Variants in CFAP65 observed in about 807,000 individuals in gnomAD.
The protein encoded by CFAP65 is cilia- and flagella-associated protein 65.
Under a neutral mutation model 208.0 loss-of-function variants are expected in CFAP65, and 155 were observed. That is an observed-to-expected ratio of 0.75 (90% CI 0.65 to 0.85). The LOEUF (loss-of-function observed/expected upper bound fraction) is 0.85, where lower values mean the gene tolerates loss of function less well. Among genes scored for constraint, CFAP65 ranks in the 40% least tolerant of loss-of-function variants. The probability of loss-of-function intolerance (pLI) is 0.00; values close to 1 mark genes in which losing one functional copy is unlikely to be tolerated. For missense variants in CFAP65, 2,294 were observed against 2,451.3 expected (o/e 0.94, Z 1.36); for synonymous variants, 970 against 986.3 (o/e 0.98, Z 0.31).
intron 30 of CFAP65, 66 bp from the exon 31 acceptor site, chr2:219,006,289 C>T (rs1559114515): frequency 2.0e-6 from 3 of 1,534,888 alleles, no homozygotes; most frequent in Non-Finnish European, 2.7e-6. Context: ...CAATGGGGTC[C>T]CTTGACCTAG....
At position 219,029,411 on chromosome 2, in the gene CFAP65, G is replaced by C. The variant is rs1413744564; in HGVS notation, c.1642C>G (p.His548Asp). Residue 548 changes from histidine (H) to aspartate (D), a missense_variant, in exon 11 of 35, where the codon CAC becomes GAC. His to Asp is a moderately conservative substitution (Grantham distance 81). Transcript: ENST00000341552. The part of the protein sequence containing the change: ...ICFRRVACLI[H>D]HQDPLFLDLM... ...CCCTCCCCACGACTCACCTGGTGGT[G>C]GATGAGACAGGCCACACGCCGAAAG... is the stretch of plus-strand genomic sequence containing the variant. 1 of 1,612,902 alleles carries C rather than the reference G, an allele frequency of 6.2e-7. No individual in the cohort carries two copies. Among genetic ancestry groups the C allele is most frequent in the South Asian group, 1.1e-5 (1 of 90,988 alleles).
Position 219,031,128 on chromosome 2 carries a change from G to T in CFAP65, c.993C>A (p.Ser331Arg), listed in dbSNP as rs778634556. 5.0e-6 allele frequency: 8 copies of T among 1,597,368 alleles called. No individual in the cohort carries two copies. The highest frequency in any genetic ancestry group is 6.0e-6 in the Non-Finnish European group (7 of 1,171,984). Reference sequence around the variant, plus strand: ...CACCCACAGCCTGCAGCTGGATGCTGCTCCTCTGCCGGCTGCCCGCCCCGT... The same window carrying T: ...CACCCACAGCCTGCAGCTGGATGCTTCTCCTCTGCCGGCTGCCCGCCCCGT... The part of the protein sequence containing the change: ...CWYGAGSRQR[S>R]SIQLQAVAKC... Residue 331 changes from serine to arginine, a missense_variant, in exon 8 of 35, where the codon AGC (serine) becomes AGA (arginine). Coordinates refer to ENST00000341552, the MANE Select transcript of CFAP65 (RefSeq NM_194302.4). This position sits in a 1 kb window ranked among gnomAD's most constrained non-coding sequence, Gnocchi z 5.2.
At chr2:219,039,979 G>A (rs989315373) in intron 2 of CFAP65, among the ~76,000 whole-genome samples, 1 of 151,910 alleles carries the variant, frequency 6.6e-6, no homozygotes, top group Non-Finnish European at 1.5e-5. Flanking sequence ...GAGAATCCAC[G>A]TGCCAGGCAG....
Position 219,030,772 on chromosome 2 carries a change from CCTCGG to C in CFAP65, c.1073_1077del (p.Ala358GlyfsTer36). The C allele has an allele frequency of 1.2e-6, 2 of 1,614,166 alleles. No homozygotes were observed. Among genetic ancestry groups the C allele is most frequent in the African/African-American group, 2.7e-5 (2 of 75,044 alleles). On this transcript the variant is annotated frameshift_variant, in exon 9 of 35. Coordinates refer to ENST00000341552, the MANE Select transcript of CFAP65 (RefSeq NM_194302.4). LOFTEE classifies it high-confidence loss of function. ...CCAAAGTACAACAGCTTCTGGAAGCCCTCGGCATCCTGGTCCTCCGGGCACTTGTG... is the reference window on the plus strand; with the variant it reads ...CCAAAGTACAACAGCTTCTGGAAGCCCATCCTGGTCCTCCGGGCACTTGTG...
chr2:219,028,320 AG>A lies in CFAP65; in HGVS notation c.1731del (p.Trp578GlyfsTer10). 6.2e-7 allele frequency: 1 copy of A among 1,614,024 alleles called. No homozygotes were observed. Among genetic ancestry groups the A allele is most frequent in the Non-Finnish European group, 8.5e-7 (1 of 1,179,988 alleles). ...CCCCGGGCCAGGTGTGTGCGGTACC[AG>A]GTGAGGTGCTGAGGCTTCAGGATGG... ...KPAILKPQHL[T>X]WYRTHLARGL... On this transcript the variant is annotated frameshift_variant, in exon 12 of 35. Coordinates refer to ENST00000341552, the MANE Select transcript of CFAP65 (RefSeq NM_194302.4). LOFTEE classifies it high-confidence loss of function.
rs1276975655 is a variant in CFAP65, at chr2:219,029,447, G to A, written c.1606C>T (p.Pro536Ser). 1 of 1,614,114 alleles carries A rather than the reference G, an allele frequency of 6.2e-7. No individual in the cohort carries two copies. Residue 536 changes from proline to serine, a missense_variant, in exon 11 of 35, where the codon CCC (proline) becomes TCC (serine). Physicochemically the swap from Pro to Ser is moderately conservative, Grantham distance 74. Transcript: ENST00000341552. The stretch of plus-strand genomic sequence containing the variant: ...GCCACACGCCGAAAGCAGATGATGG[G>A]GTGAGTGGGCTGGAAGGCACAGTGC... Reference protein sequence around the residue: ...TLHCAFQPTHPIICFRRVACL... With the variant: ...TLHCAFQPTHSIICFRRVACL...
At chr2:219,025,954 A>T in intron 14 of CFAP65, 68 bp downstream of exon 14, 1 of 1,572,466 alleles carries the variant, frequency 6.4e-7, no homozygotes, top group Non-Finnish European at 8.7e-7. Context: ...TGGGAGAGGG[A>T]TCTGCAGGCC....
At chr2:219,013,102 C>T (rs1021447847) in intron 24 of CFAP65, among the ~76,000 whole-genome samples, 157 bp downstream of exon 24, 4 of 152,192 alleles carry the variant, frequency 2.6e-5, no homozygotes, top group Admixed American at 1.3e-4. Flanking sequence ...CCCTTCAAGT[C>T]TCTCCCAGTT....
Position 219,023,225 on chromosome 2 carries a change from G to A in CFAP65, c.2802C>T (p.Ile934=). The A allele has an allele frequency of 6.2e-7, 1 of 1,612,180 alleles. No homozygotes were observed. The highest frequency in any genetic ancestry group is 8.5e-7 in the Non-Finnish European group (1 of 1,179,784). ...CACTCACAAGTCTCTCGTTGGGCTGGATTAGCCCCCTGGAGGGCTGGACAG... is the reference window on the plus strand; with the variant it reads ...CACTCACAAGTCTCTCGTTGGGCTGAATTAGCCCCCTGGAGGGCTGGACAG... ...LLAVQPSRGL[I]QPNERLTLTW... is the part of the protein sequence containing the mutation. Residue 934 remains isoleucine (I), a synonymous_variant, in exon 16 of 35, where the codon ATC becomes ATT. Transcript: ENST00000341552.
chr2:219,031,316 G>A lies in CFAP65; in HGVS notation c.816-11C>T, dbSNP rs369219119. On this transcript the variant is annotated splice_polypyrimidine_tract_variant and intron_variant, in intron 7 of 34. Coordinates refer to ENST00000341552, the MANE Select transcript of CFAP65 (RefSeq NM_194302.4). This position sits in a 1 kb window ranked among gnomAD's most constrained non-coding sequence, Gnocchi z 5.2. ...AAGGTGGGCAGGTCCCTGGGGGTGG[G>A]GGGCAGGTCAGGGCACTGGGCTCCC... is the stretch of plus-strand genomic sequence containing the variant. 6 of 1,613,100 alleles carry A rather than the reference G, an allele frequency of 3.7e-6. No homozygotes were observed. Among genetic ancestry groups the A allele is most frequent in the Non-Finnish European group, 5.1e-6 (6 of 1,179,268 alleles).
At chr2:219,015,708 T>C (rs1391371602) in intron 21 of CFAP65, 1 of 151,228 alleles carries the variant, frequency 6.6e-6, no homozygotes, top group African/African-American at 2.4e-5. Context: ...TGCATGCTTA[T>C]GTGCACGCAA....
At position 219,038,466 on chromosome 2, in the gene CFAP65, C is replaced by T; in HGVS notation, c.266G>A (p.Gly89Asp). The change falls in exon 4 of 35, where the codon GGT (glycine) becomes GAT (aspartate). Residue 89 changes from glycine to aspartate, a missense_variant. By Grantham distance (94) the Gly-to-Asp change is moderately conservative (BLOSUM62 -1). Coordinates refer to ENST00000341552, the MANE Select transcript of CFAP65 (RefSeq NM_194302.4). ...RNSRNHTVNS[G>D]GSCLSASTVA... ...TGTGCTGGCACTCAGGCAGGATCCA[C>T]CAGAGTTCACGGTGTGGTTCCTGCT... 1 of 1,614,144 alleles carries T rather than the reference C, an allele frequency of 6.2e-7. No individual in the cohort carries two copies. The highest frequency in any genetic ancestry group is 1.1e-5 in the South Asian group (1 of 91,074).
chr2:219,019,328 C>T (rs1947119738), intron 20 of CFAP65, 149 bp from the exon 21 acceptor site: 6 of 1,179,006 alleles, frequency 5.1e-6, no homozygotes, highest in Non-Finnish European at 7.1e-6. Context: ...CTCTTCAGAC[C>T]TCAAGCCAAT....
Position 219,021,929 on chromosome 2 carries a change from G to T in CFAP65, c.2981C>A (p.Ala994Glu). 1 of 1,613,240 alleles carries T rather than the reference G, an allele frequency of 6.2e-7. No individual in the cohort carries two copies. Among genetic ancestry groups the T allele is most frequent in the Non-Finnish European group, 8.5e-7 (1 of 1,179,952 alleles). The change falls in exon 18 of 35, where the codon GCA (alanine) becomes GAA (glutamate). Residue 994 changes from alanine (A) to glutamate (E), a missense_variant and splice_region_variant. Ala to Glu is a moderately radical substitution (Grantham distance 107). This residue lies in a region of CFAP65 where 1,427 missense variants were observed against 1,438.7 expected (regional missense o/e 0.99). Coordinates refer to ENST00000341552, the MANE Select transcript of CFAP65 (RefSeq NM_194302.4). ...VGVGLTSSLS[A>E]KEKELAFGNV... The stretch of plus-strand genomic sequence containing the variant: ...CCCAAAGGCCAGCTCCTTTTCCTTT[G>T]CCTGGAGGCCACAGTCAGCCAGCCG...
At position 219,028,398 on chromosome 2, in the gene CFAP65, G is replaced by C. The variant is rs372397071; in HGVS notation, c.1654C>G (p.Pro552Ala). ...GTCCCCATCAGGTCCAGGAACAGTGGGTCCTGTGACATTTGTCTGTGTGTG... is the reference window on the plus strand; with the variant it reads ...GTCCCCATCAGGTCCAGGAACAGTGCGTCCTGTGACATTTGTCTGTGTGTG... ...RVACLIHHQD[P>A]LFLDLMGTCH... is the part of the protein sequence containing the mutation. The change falls in exon 12 of 35, where the codon CCA becomes GCA. Residue 552 changes from proline (P) to alanine (A), a missense_variant. By Grantham distance (27) the Pro-to-Ala change is conservative. This residue lies in a region of CFAP65 where 867 missense variants were observed against 1,012.6 expected (regional missense o/e 0.86). Transcript: ENST00000341552. The C allele has an allele frequency of 6.3e-5, 102 of 1,612,638 alleles. No individual in the cohort carries two copies. The highest frequency in any genetic ancestry group is 8.6e-5 in the Non-Finnish European group (101 of 1,179,884).
In CFAP65 at chr2:219,009,953, C is replaced by A. The variant is rs777389241; in HGVS notation, c.4441G>T (p.Asp1481Tyr). The A allele has an allele frequency of 1.9e-6, 3 of 1,610,178 alleles. No individual in the cohort carries two copies. Reference protein sequence around the residue: ...IAFSWQPSPLDFGEVSVSPMI... With the variant: ...IAFSWQPSPLYFGEVSVSPMI... ...CAGGGGACTCTCACCTCCCCAAAAT[C>A]TAGAGGACTTGGCTGCCAGGAGAAG... is the stretch of plus-strand genomic sequence containing the variant. The change falls in exon 27 of 35, where the codon GAT (aspartate) becomes TAT (tyrosine). Residue 1481 changes from aspartate to tyrosine, a missense_variant. Asp to Tyr is a radical substitution (Grantham distance 160). Around this residue, in one of 2 missense-constraint regions of CFAP65, gnomAD observed 1,427 missense variants for 1,438.7 expected, o/e 0.99. Coordinates refer to ENST00000341552, the MANE Select transcript of CFAP65 (RefSeq NM_194302.4).
chr2:219,031,362 C>A lies in CFAP65; in HGVS notation c.816-57G>T. 6.2e-7 allele frequency: 1 copy of A among 1,605,624 alleles called. No homozygotes were observed. Among genetic ancestry groups the A allele is most frequent in the Non-Finnish European group, 8.5e-7 (1 of 1,173,934 alleles). On this transcript the variant is annotated intron_variant, in intron 7 of 34. Coordinates refer to ENST00000341552, the MANE Select transcript of CFAP65 (RefSeq NM_194302.4). The surrounding 1 kb of genome is among the most constrained non-coding windows in gnomAD (Gnocchi z 5.2). ...CTCCCGGCCCCTGCTCCTGCAGTAG[C>A]AAGTCAGGGATGCTGGGCAGAACCT...
chr2:219,018,189 G>A (rs1438251976), intron 21 of CFAP65: 1 of 152,242 alleles, frequency 6.6e-6, no homozygotes, highest in East Asian at 1.9e-4. Context: ...CAGACCCCTG[G>A]ATCCCTCTCC....
In CFAP65 at chr2:219,021,938, C is replaced by A; in HGVS notation, c.2980-8G>T. 22 of 1,612,798 alleles carry A rather than the reference C, an allele frequency of 1.4e-5. No individual in the cohort carries two copies. The highest frequency in any genetic ancestry group is 1.9e-5 in the Non-Finnish European group (22 of 1,179,784). On this transcript the variant is annotated splice_polypyrimidine_tract_variant and splice_region_variant and intron_variant, in intron 17 of 34. Transcript: ENST00000341552. ...CAGCTCCTTTTCCTTTGCCTGGAGGCCACAGTCAGCCAGCCGGGAGTGGGA... is the reference window on the plus strand; with the variant it reads ...CAGCTCCTTTTCCTTTGCCTGGAGGACACAGTCAGCCAGCCGGGAGTGGGA...
Sources: allele counts gnomAD v4.1 joint callset (sites outside exome capture counted in the v4.1 genomes callset), GRCh38; gene constraint gnomAD v4.1.1; regional missense constraint gnomAD v4.1.1; non-coding constraint Gnocchi (gnomAD v3.1); transcripts MANE v1.5; gene names NCBI Gene and HGNC (gene_info 2026-07-23, HGNC 2026-07-21).